Variants in VTI1A observed in about 807,000 individuals in gnomAD.
The protein encoded by VTI1A is vesicle transport through interaction with t-SNAREs homolog 1A.
A neutral mutation model predicts 34.9 loss-of-function variants in VTI1A; 22 were observed. The observed-to-expected ratio is 0.63, with a 90% confidence interval of 0.45 to 0.90. The LOEUF (loss-of-function observed/expected upper bound fraction) is 0.90, where lower values mean the gene tolerates loss of function less well. VTI1A is among the 40% of genes least tolerant of loss of function. VTI1A has a pLI of 0.00. For synonymous variants in VTI1A, 87 were observed against 97.3 expected (o/e 0.89, Z 0.62); for missense variants, 268 against 275.6 (o/e 0.97, Z 0.20).
intron 3 of VTI1A, among the ~76,000 whole-genome samples, chr10:112,493,663 G>A (rs181283393): frequency 6.6e-6 from 1 of 152,120 alleles, no homozygotes; most frequent in Admixed American, 6.6e-5. Context: ...AGTTTGTTTT[G>A]AGTCTATATT....
At chr10:112,725,700 T>C (rs955802873) in intron 7 of VTI1A, among the ~76,000 whole-genome samples, 1 of 152,250 alleles carries the variant, frequency 6.6e-6, no homozygotes, top group Non-Finnish European at 1.5e-5. Context: ...ATACAGTTCA[T>C]ATCAGAAAAG....
At chr10:112,548,969 C>G in intron 5 of VTI1A, 1 of 654,112 alleles carries the variant, frequency 1.5e-6, no homozygotes, top group East Asian at 2.7e-5. Flanking sequence ...TCTTTCTTCT[C>G]TTCTTCTCCT....
intron 5 of VTI1A, among the ~76,000 whole-genome samples, chr10:112,592,370 C>G (rs200961085): frequency 1.3e-5 from 2 of 152,138 alleles, no homozygotes; most frequent in East Asian, 3.9e-4. Flanking sequence ...TCCAAAATGC[C>G]CTTCCCCCAC....
At chr10:112,732,573 G>A (rs564117666) in intron 7 of VTI1A, among the ~76,000 whole-genome samples, 2 of 152,288 alleles carry the variant, frequency 1.3e-5, no homozygotes, top group African/African-American at 2.4e-5. Flanking sequence ...CTTCATGGTC[G>A]AGGTCATCCA....
At chr10:112,720,390 A>G (rs752374066) in intron 7 of VTI1A, among the ~76,000 whole-genome samples, 4 of 152,142 alleles carry the variant, frequency 2.6e-5, no homozygotes, top group African/African-American at 4.8e-5. Flanking sequence ...CATCTTTTAT[A>G]TTATAGTTTT....
chr10:112,489,208 A>G (rs1454248389), intron 3 of VTI1A, among the ~76,000 whole-genome samples: 1 of 152,168 alleles, frequency 6.6e-6, no homozygotes, highest in African/African-American at 2.4e-5. Flanking sequence ...TACGTTGAGA[A>G]CTACTCGAGT....
chr10:112,736,109 GTGTATATA>G (rs1458379357), intron 7 of VTI1A, among the ~76,000 whole-genome samples: 2 of 116,888 alleles, frequency 1.7e-5, no homozygotes, highest in African/African-American at 8.0e-5. Flanking sequence ...ATATGTGTGT[GTGTATATA>G]TATATATATA....
rs756513063 is a variant in VTI1A, at chr10:112,527,157, A to G, written c.335A>G (p.Glu112Gly). 1 of 1,613,376 alleles carries G rather than the reference A, an allele frequency of 6.2e-7. No individual in the cohort carries two copies. Among genetic ancestry groups the G allele is most frequent in the East Asian group, 2.2e-5 (1 of 44,852 alleles). Residue 112 changes from glutamate to glycine, a missense_variant, in exon 4 of 8, where the codon GAG (glutamate) becomes GGG (glycine). Coordinates refer to ENST00000393077, the MANE Select transcript of VTI1A (RefSeq NM_145206.4). The stretch of plus-strand genomic sequence containing the variant: ...CTGGGGGATGATGGGAATTCCTCAG[A>G]GAACCAGGTAGAATGCTAATCAGGA... ...ELLGDDGNSS[E>G]NQRAHLLDNT...
At chr10:112,517,805 A>G (rs1849840911) in intron 3 of VTI1A, among the ~76,000 whole-genome samples, 1 of 152,112 alleles carries the variant, frequency 6.6e-6, no homozygotes, top group Non-Finnish European at 1.5e-5. Context: ...AAGGTCATCA[A>G]AAACAAATAA....
chr10:112,669,107 A>G, intron 7 of VTI1A, 109 bp downstream of exon 7: 1 of 1,280,288 alleles, frequency 7.8e-7, no homozygotes, highest in Non-Finnish European at 1.1e-6. Context: ...TTCTGCTCTT[A>G]GTACCCTGTG....
intron 3 of VTI1A, among the ~76,000 whole-genome samples, chr10:112,516,004 C>T (rs1008057164): frequency 2.0e-5 from 3 of 151,878 alleles, no homozygotes; most frequent in Non-Finnish European, 4.4e-5. Flanking sequence ...TGGCATGTTC[C>T]CCAATACAAA....
At chr10:112,524,188 A>G (rs1010101689) in intron 3 of VTI1A, among the ~76,000 whole-genome samples, 9 of 152,128 alleles carry the variant, frequency 5.9e-5, no homozygotes, top group African/African-American at 1.9e-4. Context: ...GGTTGGGTAC[A>G]ATCAGCTTAC....
intron 5 of VTI1A, among the ~76,000 whole-genome samples, chr10:112,576,019 C>CTT (rs760363890): frequency 3.2e-4 from 42 of 131,298 alleles, no homozygotes; most frequent in Non-Finnish European, 4.1e-4. Flanking sequence ...CTTTTCTTTT[C>CTT]TTTTTTTTTT....
chr10:112,640,787 A>G (rs1307531595), intron 5 of VTI1A, among the ~76,000 whole-genome samples: 1 of 152,184 alleles, frequency 6.6e-6, no homozygotes, highest in African/African-American at 2.4e-5. Context: ...TTTAAAGTGA[A>G]TCAGTATTCT....
intron 5 of VTI1A, among the ~76,000 whole-genome samples, chr10:112,661,340 T>C (rs1712109380): frequency 6.6e-6 from 1 of 152,202 alleles, no homozygotes; most frequent in Admixed American, 6.5e-5. Context: ...GATCCAGAAC[T>C]CCTGTCCTCA....
At chr10:112,519,139 G>C (rs1393374181) in intron 3 of VTI1A, among the ~76,000 whole-genome samples, 1 of 152,052 alleles carries the variant, frequency 6.6e-6, no homozygotes, top group East Asian at 1.9e-4. Context: ...CCAAAAGTAA[G>C]TACCAGGAAA....
chr10:112,571,431 A>T (rs1382624432), intron 5 of VTI1A, among the ~76,000 whole-genome samples: 4 of 152,198 alleles, frequency 2.6e-5, no homozygotes, highest in Non-Finnish European at 5.9e-5. Context: ...CAGTTGACAC[A>T]ATGAGATGCC....
intron 3 of VTI1A, among the ~76,000 whole-genome samples, chr10:112,474,486 T>A (rs1323089572): frequency 6.6e-6 from 1 of 151,438 alleles, no homozygotes; most frequent in Admixed American, 6.6e-5. Context: ...GACAGGGCCT[T>A]GCTCTGTCAC....
At chr10:112,713,338 A>G (rs1029400064) in intron 7 of VTI1A, among the ~76,000 whole-genome samples, 3 of 152,154 alleles carry the variant, frequency 2.0e-5, no homozygotes, top group Admixed American at 6.5e-5. Context: ...TTTTTTTACC[A>G]TTATTGTCAA....
Sources: allele counts gnomAD v4.1 joint callset (sites outside exome capture counted in the v4.1 genomes callset), GRCh38; gene constraint gnomAD v4.1.1; transcripts MANE v1.5; gene names NCBI Gene and HGNC (gene_info 2026-07-23, HGNC 2026-07-21).